Variants in MCM9 observed in about 807,000 individuals in gnomAD.
The protein encoded by MCM9 is DNA helicase MCM9.
MCM9 carries 55 observed loss-of-function variants against 72.8 expected under a neutral mutation model. That is an observed-to-expected ratio of 0.76 (90% CI 0.61 to 0.95). The LOEUF (loss-of-function observed/expected upper bound fraction) is 0.95, where lower values mean the gene tolerates loss of function less well. MCM9 is among the 40% of genes least tolerant of loss of function. MCM9 has a pLI of 0.00. For synonymous variants in MCM9, 480 were observed against 503.4 expected (o/e 0.95, Z 0.62); for missense variants, 1,279 against 1,377.0 (o/e 0.93, Z 1.13).
intron 13 of MCM9, among the ~76,000 whole-genome samples, chr6:118,816,707 T>TGTTGGC (rs1329225015): frequency 6.6e-6 from 1 of 152,208 alleles, no homozygotes. Context: ...CCAAGTAGGT[T>TGTTGGC]GTTGGCTAAC....
intron 8 of MCM9, among the ~76,000 whole-genome samples, chr6:118,907,108 G>C (rs1780235010): frequency 6.6e-6 from 1 of 152,178 alleles, no homozygotes; most frequent in African/African-American, 2.4e-5. Flanking sequence ...CAAAAATGAG[G>C]AGATTCTTTC....
In MCM9 at chr6:118,832,591, G is replaced by A. The variant is rs567335546; in HGVS notation, c.1326-3341C>T. 9.9e-5 allele frequency among the ~76,000 whole-genome samples: 15 copies of A among 152,246 alleles called. 1 individual carries two copies. The highest frequency in any genetic ancestry group is 3.4e-4 in the African/African-American group (14 of 41,546). Reference sequence around the variant, plus strand: ...ATATTTCTTTTGTATTAAACTTCAAGAAGTAAAGACATTCCAATTTCTGAA... The same window carrying A: ...ATATTTCTTTTGTATTAAACTTCAAAAAGTAAAGACATTCCAATTTCTGAA... On this transcript the variant is annotated intron_variant, in intron 9 of 13. Coordinates refer to ENST00000619706, the MANE Select transcript of MCM9 (RefSeq NM_017696.3).
At chr6:118,899,719 A>G (rs1434396590) in intron 8 of MCM9, among the ~76,000 whole-genome samples, 1 of 152,214 alleles carries the variant, frequency 6.6e-6, no homozygotes, top group Non-Finnish European at 1.5e-5. Context: ...TACTATTTCT[A>G]TTATCAATTT....
At chr6:118,820,037 G>A (rs867366794) in intron 13 of MCM9, among the ~76,000 whole-genome samples, 6 of 151,976 alleles carry the variant, frequency 3.9e-5, no homozygotes, top group African/African-American at 9.6e-5. Flanking sequence ...TATGGCTAGC[G>A]GTCTATCTAT....
intron 13 of MCM9, among the ~76,000 whole-genome samples, chr6:118,817,301 C>A (rs935276884): frequency 1.3e-5 from 2 of 151,912 alleles, no homozygotes; most frequent in South Asian, 2.1e-4. Flanking sequence ...ACCCCACCCC[C>A]CAAAAGGCCC....
intron 8 of MCM9, among the ~76,000 whole-genome samples, chr6:118,861,460 T>C (rs750043491): frequency 6.6e-6 from 1 of 152,168 alleles, no homozygotes; most frequent in Non-Finnish European, 1.5e-5. Flanking sequence ...TGCATTCTTG[T>C]CTCATCTCCA....
chr6:118,929,419 G>C (rs1782196162), intron 3 of MCM9, among the ~76,000 whole-genome samples: 1 of 151,956 alleles, frequency 6.6e-6, no homozygotes, highest in African/African-American at 2.4e-5. Flanking sequence ...TATTCTTTTT[G>C]GTTTCCCAAG....
At chr6:118,837,686 G>A (rs952461739) in intron 9 of MCM9, among the ~76,000 whole-genome samples, 5 of 152,038 alleles carry the variant, frequency 3.3e-5, no homozygotes, top group Non-Finnish European at 5.9e-5. Context: ...TGTAACCCCT[G>A]CTTTTTTTTG....
At chr6:118,877,790 C>A (rs1040411663) in intron 8 of MCM9, among the ~76,000 whole-genome samples, 6 of 152,080 alleles carry the variant, frequency 3.9e-5, no homozygotes, top group Admixed American at 2.0e-4. Context: ...AACCTGGAAA[C>A]AACTGAAAAG....
chr6:118,825,767 A>G (rs1410855736), intron 13 of MCM9, among the ~76,000 whole-genome samples: 2 of 152,202 alleles, frequency 1.3e-5, no homozygotes, highest in East Asian at 3.8e-4. Flanking sequence ...CTTGTCTATT[A>G]TTCACATTTT....
At chr6:118,926,246 T>C (rs1385761716) in intron 3 of MCM9, among the ~76,000 whole-genome samples, 2 of 152,226 alleles carry the variant, frequency 1.3e-5, no homozygotes, top group Admixed American at 6.5e-5. Flanking sequence ...AAGTTGAAAG[T>C]GCATTTAGTA....
chr6:118,863,786 CAAG>C (rs931848615), intron 8 of MCM9, among the ~76,000 whole-genome samples: 21 of 152,164 alleles, frequency 1.4e-4, no homozygotes, highest in African/African-American at 5.1e-4. Flanking sequence ...TCCTCATCAG[CAAG>C]AAGGCCTTTA....
At chr6:118,843,668 A>ATATATGTGTATATATATACG (rs1562407098) in intron 9 of MCM9, among the ~76,000 whole-genome samples, 6 of 55,432 alleles carry the variant, frequency 1.1e-4, no homozygotes, top group African/African-American at 4.4e-4. Flanking sequence ...GTATATATAT[A>ATATATGTGTATATATATACG]TGTATGTATA....
At chr6:118,892,772 T>C (rs1779032320) in intron 8 of MCM9, among the ~76,000 whole-genome samples, 2 of 152,186 alleles carry the variant, frequency 1.3e-5, no homozygotes, top group Admixed American at 1.3e-4. Context: ...TATATCTAAC[T>C]GTTCAATCCA....
chr6:118,833,141 T>C (rs998638000), intron 9 of MCM9, among the ~76,000 whole-genome samples: 1 of 152,070 alleles, frequency 6.6e-6, no homozygotes, highest in Non-Finnish European at 1.5e-5. Flanking sequence ...GGAATCATTG[T>C]CGGAGCAGAG....
intron 8 of MCM9, among the ~76,000 whole-genome samples, chr6:118,901,187 C>T (rs1768929163): frequency 6.6e-6 from 1 of 152,162 alleles, no homozygotes; most frequent in Non-Finnish European, 1.5e-5. Flanking sequence ...CTGTGAATAG[C>T]ACCTCAGTAT....
At chr6:118,820,604 T>G (rs1258169446) in intron 13 of MCM9, among the ~76,000 whole-genome samples, 1 of 152,210 alleles carries the variant, frequency 6.6e-6, no homozygotes, top group Non-Finnish European at 1.5e-5. Flanking sequence ...TTCTGTTCAT[T>G]TGGGGTAGAG....
intron 8 of MCM9, among the ~76,000 whole-genome samples, chr6:118,902,558 G>T: frequency 8.6e-6 from 1 of 116,106 alleles, no homozygotes; most frequent in South Asian, 2.6e-4. Context: ...GCTACTATAA[G>T]AACTTACAAA....
chr6:118,826,924 T>A, intron 11 of MCM9, 60 bp from the exon 12 acceptor site: 1 of 1,312,004 alleles, frequency 7.6e-7, no homozygotes, highest in Non-Finnish European at 1.1e-6. Flanking sequence ...TGTAATTCTC[T>A]AACTTCCTCC....
Sources: gnomAD v4.1 joint callset for allele counts (sites outside exome capture counted in the v4.1 genomes callset) on GRCh38, gnomAD v4.1.1 for gene constraint, MANE v1.5 for transcripts, NCBI Gene and HGNC (gene_info 2026-07-23, HGNC 2026-07-21) for gene names.